The following EDIL3 variants were observed in gnomAD, a reference collection of about 807,000 sequenced individuals.
EDIL3 encodes EGF-like repeat and discoidin I-like domain-containing protein 3.
Under a neutral mutation model 67.4 loss-of-function variants are expected in EDIL3, and 37 were observed. The ratio of observed to expected loss-of-function variants is 0.55; its 90% CI spans 0.42 to 0.72. The LOEUF is 0.72. Among genes scored for constraint, EDIL3 ranks in the 30% least tolerant of loss-of-function variants. The pLI is 0.00. For synonymous variants in EDIL3, 195 were observed against 196.3 expected, an observed-to-expected ratio of 0.99 and a Z score of 0.05; for missense variants, 527 against 586.3, an observed-to-expected ratio of 0.90 and a Z score of 1.04.
At chr5:84,300,459 T>C (rs1746135526) in intron 1 of EDIL3, among the ~76,000 whole-genome samples, 1 of 152,216 alleles carries the variant, frequency 6.6e-6, no homozygotes, top group African/African-American at 2.4e-5. Context: ...TTAGGAAAGA[T>C]GGGCACATCT....
chr5:84,236,511 C>T lies in EDIL3; in HGVS notation c.197-6627G>A, dbSNP rs77609987. Among the ~76,000 whole-genome samples the T allele has an allele frequency of 6.6e-3, 1,000 of 152,150 alleles. 14 individuals carry two copies. The highest frequency in any genetic ancestry group is 0.023 in the African/African-American group (954 of 41,536). On this transcript the variant is annotated intron_variant, in intron 2 of 10. Coordinates refer to ENST00000296591, the MANE Select transcript of EDIL3 (RefSeq NM_005711.5). Reference sequence around the variant, plus strand: ...CTTGTCGACTGAATTCAAGTTTCACCACCTTCAACTCCTTAGTATTTATTT... The same window carrying T: ...CTTGTCGACTGAATTCAAGTTTCACTACCTTCAACTCCTTAGTATTTATTT...
intron 3 of EDIL3, among the ~76,000 whole-genome samples, chr5:84,182,913 C>T (rs1749040455): frequency 6.6e-6 from 1 of 152,012 alleles, no homozygotes; most frequent in South Asian, 2.1e-4. Context: ...CTAACACCTG[C>T]CTTCGAGGTG....
chr5:84,141,257 T>C (rs921684268), intron 4 of EDIL3, among the ~76,000 whole-genome samples: 1 of 151,166 alleles, frequency 6.6e-6, no homozygotes, highest in South Asian at 2.1e-4. Flanking sequence ...ATATCATTTA[T>C]AAGGTCTTGC....
At chr5:84,108,888 A>G (rs1381861830) in intron 5 of EDIL3, among the ~76,000 whole-genome samples, 2 of 152,218 alleles carry the variant, frequency 1.3e-5, no homozygotes, top group Non-Finnish European at 2.9e-5. Flanking sequence ...TGTATGGCAG[A>G]CTTAAAAATA....
chr5:84,277,437 T>G (rs2112103216), intron 1 of EDIL3, among the ~76,000 whole-genome samples: 1 of 152,354 alleles, frequency 6.6e-6, no homozygotes, highest in East Asian at 1.9e-4. Context: ...TCTATATTAT[T>G]TTGTTACAGC....
intron 4 of EDIL3, among the ~76,000 whole-genome samples, chr5:84,161,087 C>A (rs1266133874): frequency 1.3e-5 from 2 of 151,892 alleles, no homozygotes; most frequent in Non-Finnish European, 2.9e-5. Context: ...TGAGAACATA[C>A]AATAGTTGGT....
At chr5:83,971,408 C>T (rs1353459513) in intron 9 of EDIL3, among the ~76,000 whole-genome samples, 3 of 151,646 alleles carry the variant, frequency 2.0e-5, no homozygotes, top group Non-Finnish European at 4.4e-5. Context: ...TCCTGAGTAG[C>T]TAGGGGCATG....
At chr5:84,211,894 G>A (rs1471201347) in intron 3 of EDIL3, among the ~76,000 whole-genome samples, 1 of 152,190 alleles carries the variant, frequency 6.6e-6, no homozygotes, top group Non-Finnish European at 1.5e-5. Context: ...ATATAAATCA[G>A]GAAATGTGAC....
chr5:84,081,444 CA>C (rs1470515548), intron 6 of EDIL3, among the ~76,000 whole-genome samples: 1 of 152,118 alleles, frequency 6.6e-6, no homozygotes, highest in Non-Finnish European at 1.5e-5. Flanking sequence ...GATGTCAGCA[CA>C]TGAGTAGAAA....
At chr5:84,164,745 T>A (rs1748675818) in intron 4 of EDIL3, among the ~76,000 whole-genome samples, 1 of 152,088 alleles carries the variant, frequency 6.6e-6, no homozygotes, top group Non-Finnish European at 1.5e-5. Flanking sequence ...TCAGGAATCA[T>A]AGATGACTCA....
At chr5:84,002,218 T>G (rs1222599277) in intron 9 of EDIL3, among the ~76,000 whole-genome samples, 1 of 152,110 alleles carries the variant, frequency 6.6e-6, no homozygotes, top group Non-Finnish European at 1.5e-5. Context: ...AGGTATTTTA[T>G]AAAATTTAAC....
chr5:84,262,659 G>GTTTTTTTTTT (rs773035274), intron 1 of EDIL3, among the ~76,000 whole-genome samples: 2,080 of 46,300 alleles, frequency 0.045, 682 homozygotes, highest in Middle Eastern at 0.056. Flanking sequence ...AGGTTGGTTG[G>GTTTTTTTTTT]TTTTTTTTTT....
chr5:84,135,765 C>A (rs1486392912), intron 5 of EDIL3, among the ~76,000 whole-genome samples: 1 of 152,166 alleles, frequency 6.6e-6, no homozygotes, highest in Non-Finnish European at 1.5e-5. Flanking sequence ...CTGTGCCCTG[C>A]ACCTTTCTTC....
intron 1 of EDIL3, among the ~76,000 whole-genome samples, chr5:84,337,924 A>T (rs1747023173): frequency 6.6e-6 from 1 of 152,136 alleles, no homozygotes; most frequent in Non-Finnish European, 1.5e-5. Flanking sequence ...ATGCAACTAT[A>T]GAAGAATGTG....
chr5:84,225,492 G>T (rs993065373), intron 3 of EDIL3, among the ~76,000 whole-genome samples: 1 of 151,488 alleles, frequency 6.6e-6, no homozygotes, highest in African/African-American at 2.4e-5. Flanking sequence ...TTTTAACGAG[G>T]CAGTTTTTCA....
intron 6 of EDIL3, among the ~76,000 whole-genome samples, chr5:84,102,646 C>T (rs1747388844): frequency 1.3e-5 from 2 of 151,302 alleles, no homozygotes; most frequent in Admixed American, 1.3e-4. Flanking sequence ...CGAAAAAACC[C>T]TCCTAGGAAT....
intron 10 of EDIL3, among the ~76,000 whole-genome samples, chr5:83,955,981 A>G (rs1245947948): frequency 6.6e-6 from 1 of 151,854 alleles, no homozygotes; most frequent in Non-Finnish European, 1.5e-5. Flanking sequence ...CTGGCTTTCA[A>G]TTGATGTTTC....
At chr5:84,378,842 C>T (rs559728076) in intron 1 of EDIL3, among the ~76,000 whole-genome samples, 1 of 152,282 alleles carries the variant, frequency 6.6e-6, no homozygotes, top group South Asian at 2.1e-4. Flanking sequence ...ATGTTTTAAA[C>T]TTCAGGTTTG....
intron 5 of EDIL3, among the ~76,000 whole-genome samples, chr5:84,112,064 G>C (rs1050340563): frequency 1.3e-5 from 2 of 152,040 alleles, no homozygotes; most frequent in Admixed American, 1.3e-4. Context: ...TGGGTTGGTG[G>C]GGGAATGGTT....
Sources: allele counts gnomAD v4.1 joint callset (sites outside exome capture counted in the v4.1 genomes callset), GRCh38; gene constraint gnomAD v4.1.1; transcripts MANE v1.5; gene names NCBI Gene and HGNC (gene_info 2026-07-23, HGNC 2026-07-21).